RELCH: variants seen among roughly 807,000 people sequenced by gnomAD.
The protein encoded by RELCH is RAB11 binding and LisH domain, coiled-coil and HEAT repeat containing, also known as RAB11-binding protein RELCH.
RELCH carries 41 observed loss-of-function variants against 150.3 expected under a neutral mutation model. The ratio of observed to expected loss-of-function variants is 0.27; its 90% CI spans 0.21 to 0.35. The LOEUF is 0.35. RELCH is among the 10% of genes least tolerant of loss of function. RELCH has a pLI of 1.00. For synonymous variants in RELCH, 478 were observed against 531.8 expected (o/e 0.90, Z 1.39); for missense variants, 1,092 against 1,467.8 (o/e 0.74, Z 4.18).
At chr18:62,197,261 G>A (rs2039111365) in intron 1 of RELCH, among the ~76,000 whole-genome samples, 1 of 152,082 alleles carries the variant, frequency 6.6e-6, no homozygotes, top group African/African-American at 2.4e-5. Flanking sequence ...AGCAAGATAA[G>A]GATATTAATC....
chr18:62,221,569 C>CT (rs61684460), intron 5 of RELCH, 72 bp downstream of exon 5: 58,384 of 463,234 alleles, frequency 0.13, 925 homozygotes, highest in Middle Eastern at 0.2. Context: ...TACGTAGTTT[C>CT]TTTTTTTTTT....
chr18:62,258,475 C>T, intron 14 of RELCH, 37 bp from the exon 15 acceptor site: 1 of 1,553,266 alleles, frequency 6.4e-7, no homozygotes, highest in South Asian at 1.2e-5. Context: ...AAGTTTATCC[C>T]TTTAAAAATC....
At chr18:62,255,315 T>G in intron 12 of RELCH, 92 bp from the exon 13 acceptor site, 1 of 895,594 alleles carries the variant, frequency 1.1e-6, no homozygotes, top group South Asian at 1.3e-5. Context: ...TTTATTGCAT[T>G]CTTAACAGGA....
At position 62,305,597 on chromosome 18, in the gene RELCH, T is replaced by C; in HGVS notation, c.*63T>C. 2.0e-6 allele frequency: 3 copies of C among 1,499,798 alleles called. No homozygotes were observed. Among genetic ancestry groups the C allele is most frequent in the South Asian group, 2.7e-5 (2 of 74,794 alleles). 92.9% of individuals were successfully genotyped at this position (1,499,798 alleles called of 1,614,324 possible). ...CCTCAAGCCGACTGGTTCCTTGTAC[T>C]TGAAGTACTTGCCTTTTTTGTTTCC... On this transcript the variant is annotated 3_prime_UTR_variant, in exon 29 of 29. Coordinates refer to ENST00000644646, the MANE Select transcript of RELCH (RefSeq NM_001346231.2). The surrounding 1 kb of genome is among the most constrained non-coding windows in gnomAD (Gnocchi z 4.0).
At chr18:62,188,162 G>A in intron 1 of RELCH, 131 bp downstream of exon 1, 2 of 1,051,872 alleles carry the variant, frequency 1.9e-6, no homozygotes, top group Non-Finnish European at 2.6e-6. Context: ...TGGGGTGGGG[G>A]CGCTCTTTTG....
intron 28 of RELCH, among the ~76,000 whole-genome samples, chr18:62,299,061 A>T (rs2045547985): frequency 6.6e-6 from 1 of 152,214 alleles, no homozygotes; most frequent in Non-Finnish European, 1.5e-5. Context: ...TTTAAAATTC[A>T]GGTCTCCACC....
chr18:62,192,273 G>A (rs1381204640), intron 1 of RELCH, among the ~76,000 whole-genome samples: 1 of 152,034 alleles, frequency 6.6e-6, no homozygotes, highest in Non-Finnish European at 1.5e-5. Flanking sequence ...TAAATTCCTT[G>A]TAGACTCTGG....
At chr18:62,303,223 G>A (rs563729296) in intron 28 of RELCH, among the ~76,000 whole-genome samples, 3 of 152,128 alleles carry the variant, frequency 2.0e-5, no homozygotes, top group South Asian at 2.1e-4. Flanking sequence ...ACCTCAGATG[G>A]AAAGAATCAG....
chr18:62,214,977 G>A (rs752369326), intron 2 of RELCH, among the ~76,000 whole-genome samples: 3 of 152,114 alleles, frequency 2.0e-5, no homozygotes, highest in Admixed American at 6.6e-5. Context: ...TTGTCTTGAT[G>A]TCTTACCTGG....
At chr18:62,265,244 G>T (rs1029262837) in intron 18 of RELCH, among the ~76,000 whole-genome samples, 1 of 152,036 alleles carries the variant, frequency 6.6e-6, no homozygotes, top group Admixed American at 6.6e-5. Flanking sequence ...AACCTCAAGC[G>T]ATTATGGAAC....
intron 2 of RELCH, among the ~76,000 whole-genome samples, chr18:62,220,521 C>T (rs754175368): frequency 7.3e-5 from 11 of 151,714 alleles, no homozygotes; most frequent in African/African-American, 2.2e-4. Context: ...TATTCACTAA[C>T]GTCTCTATAC....
chr18:62,243,317 G>A (rs887358068), intron 10 of RELCH, among the ~76,000 whole-genome samples: 1 of 151,964 alleles, frequency 6.6e-6, no homozygotes, highest in Non-Finnish European at 1.5e-5. Context: ...ACAGAATCAG[G>A]ACTAATCCAT....
At position 62,264,201 on chromosome 18, in the gene RELCH, T is replaced by C; in HGVS notation, c.2507+56T>C. 3.5e-6 allele frequency: 5 copies of C among 1,430,510 alleles called. No individual in the cohort carries two copies. In the Middle Eastern group the frequency reaches 5.3e-4, roughly 151 times the overall value. The allele number at this position is 1,430,510 out of a possible 1,614,324, so 88.6% of individuals were successfully genotyped here. A position where few individuals can be genotyped will look rare whatever the true frequency, so the allele number is the denominator to read the frequency against. ...AGATGATAACTCTTATATTTAGCCT[T>C]GGCCCTAAGAACAAAATATAACAAA... On this transcript the variant is annotated intron_variant, in intron 17 of 28. Transcript: ENST00000644646.
At chr18:62,218,966 G>C (rs1040198705) in intron 2 of RELCH, among the ~76,000 whole-genome samples, 16 of 151,710 alleles carry the variant, frequency 1.1e-4, no homozygotes, top group Non-Finnish European at 2.1e-4. Flanking sequence ...CCTTTCTTTT[G>C]AAACTTTCTC....
chr18:62,258,715 A>C (rs1417097619), intron 15 of RELCH, 39 bp downstream of exon 15: 1 of 1,435,218 alleles, frequency 7.0e-7, no homozygotes, highest in Non-Finnish European at 9.4e-7. Context: ...GTAGAAACTT[A>C]AAAGGTCTGT....
intron 8 of RELCH, 98 bp downstream of exon 8, chr18:62,228,696 G>A (rs2041367379): frequency 6.0e-6 from 5 of 839,826 alleles, no homozygotes; most frequent in Non-Finnish European, 8.8e-6. Flanking sequence ...CTTTTTTGCA[G>A]ATCAAATATA....
intron 1 of RELCH, among the ~76,000 whole-genome samples, chr18:62,197,301 A>C (rs115731712): frequency 0.012 from 1,821 of 152,332 alleles, 27 homozygotes; most frequent in African/African-American, 0.041. Context: ...TCTGTGAAAA[A>C]TTAAAATTAT....
intron 13 of RELCH, among the ~76,000 whole-genome samples, 189 bp from the exon 14 acceptor site, chr18:62,257,759 A>G (rs2043060880): frequency 6.6e-6 from 1 of 151,950 alleles, no homozygotes; most frequent in African/African-American, 2.4e-5. Context: ...CTGTATCTGT[A>G]ATGTTTTATG....
At chr18:62,228,932 TCA>T in intron 8 of RELCH, among the ~76,000 whole-genome samples, 1 of 152,122 alleles carries the variant, frequency 6.6e-6, no homozygotes. Context: ...GTTATCAGAC[TCA>T]GAGGAATATT....
Sources: gnomAD v4.1 joint callset for allele counts (sites outside exome capture counted in the v4.1 genomes callset) on GRCh38, gnomAD v4.1.1 for gene constraint, Gnocchi (gnomAD v3.1) non-coding constraint, MANE v1.5 for transcripts, NCBI Gene and HGNC (gene_info 2026-07-23, HGNC 2026-07-21) for gene names.